CCSER1: variants seen among roughly 807,000 people sequenced by gnomAD.
The protein encoded by CCSER1 is serine-rich coiled-coil domain-containing protein 1.
Under a neutral mutation model 82.0 loss-of-function variants are expected in CCSER1, and 41 were observed. The ratio of observed to expected loss-of-function variants is 0.50; its 90% confidence interval spans 0.39 to 0.65. CCSER1 has a LOEUF of 0.65. Among genes scored for constraint, CCSER1 ranks in the 30% least tolerant of loss-of-function variants. The pLI is 0.00. For synonymous variants in CCSER1, 414 were observed against 383.9 expected (o/e 1.08, Z -0.92); for missense variants, 1,119 against 1,064.2 (o/e 1.05, Z -0.72).
At chr4:90,510,836 C>G (rs7654181) in intron 5 of CCSER1, among the ~76,000 whole-genome samples, 41,026 of 152,030 alleles carry the variant, frequency 0.27, 8,310 homozygotes, top group African/African-American at 0.56. Flanking sequence ...TCGTGGTGCT[C>G]AGTAAGAGTT....
rs1686354710 is a variant in CCSER1, at chr4:90,962,783, T to C, written c.2172+39336T>C. Reference sequence around the variant, plus strand: ...AGCTAGTATCACAGGCACAACAGGATTGTTTTTTTCTACACTGTAGCCAGA... The same window carrying C: ...AGCTAGTATCACAGGCACAACAGGACTGTTTTTTTCTACACTGTAGCCAGA... On this transcript the variant is annotated intron_variant, in intron 9 of 10. Transcript: ENST00000509176. Among the ~76,000 whole-genome samples the C allele has an allele frequency of 1.3e-5, 2 of 152,138 alleles. 1 individual carries two copies. Among genetic ancestry groups the C allele is most frequent in the South Asian group, 4.1e-4 (2 of 4,826 alleles).
chr4:90,276,253 T>TCTTTCTTTCTTTCTTTCTTTCTTC (rs1727680914), intron 1 of CCSER1, among the ~76,000 whole-genome samples: 7 of 79,086 alleles, frequency 8.9e-5, no homozygotes, highest in African/African-American at 3.8e-4. Flanking sequence ...TTTCTTTCTT[T>TCTTTCTTTCTTTCTTTCTTTCTTC]CCTTCCTTCC....
At chr4:91,395,380 G>T (rs1382299011) in intron 10 of CCSER1, among the ~76,000 whole-genome samples, 1 of 152,058 alleles carries the variant, frequency 6.6e-6, no homozygotes, top group South Asian at 2.1e-4. Context: ...CAGGGGACTT[G>T]TTAGTTTCTG....
chr4:91,580,495 A>G (rs1479754618), intron 10 of CCSER1, among the ~76,000 whole-genome samples: 1 of 151,772 alleles, frequency 6.6e-6, no homozygotes, highest in Admixed American at 6.6e-5. Context: ...GAGAGATGAT[A>G]TGGTTAGAAA....
At chr4:90,571,805 T>A (rs1780148431) in intron 5 of CCSER1, among the ~76,000 whole-genome samples, 1 of 152,212 alleles carries the variant, frequency 6.6e-6, no homozygotes, top group African/African-American at 2.4e-5. Flanking sequence ...ATATTTTGAA[T>A]TTTGATGTTA....
intron 7 of CCSER1, among the ~76,000 whole-genome samples, chr4:90,733,911 G>C (rs1745200927): frequency 1.3e-5 from 2 of 151,994 alleles, no homozygotes; most frequent in African/African-American, 2.4e-5. Flanking sequence ...GTACCCTGCT[G>C]TCTTGTGTAC....
intron 7 of CCSER1, among the ~76,000 whole-genome samples, chr4:90,727,878 T>C (rs1038579566): frequency 6.6e-5 from 10 of 152,198 alleles, no homozygotes; most frequent in Non-Finnish European, 1.0e-4. Flanking sequence ...TGATTAGATA[T>C]GTTAGGAAAT....
In CCSER1 at chr4:91,209,677, C is replaced by G. The variant is rs565313797; in HGVS notation, c.2217+123683C>G. ...AGAATATTAGCCTGAAGTTTTCTTT[C>G]TTTGTTGTGTCTCTCCCATAACTTC... On this transcript the variant is annotated intron_variant, in intron 10 of 10. Transcript: ENST00000509176. Among the ~76,000 whole-genome samples the G allele has an allele frequency of 3.3e-5, 5 of 151,750 alleles. No homozygotes were observed. In the East Asian group the frequency reaches 5.8e-4, roughly 18 times the overall value.
intron 4 of CCSER1, among the ~76,000 whole-genome samples, chr4:90,425,924 A>T (rs549137522): frequency 0.023 from 3,232 of 139,100 alleles, 50 homozygotes; most frequent in African/African-American, 0.057. Flanking sequence ...TATTTTTTTT[A>T]AAAAAAAAAC....
At chr4:91,465,005 C>T (rs967433441) in intron 10 of CCSER1, among the ~76,000 whole-genome samples, 4 of 152,092 alleles carry the variant, frequency 2.6e-5, no homozygotes, top group East Asian at 1.9e-4. Context: ...CCAAGTGGAC[C>T]GAATAGACAT....
chr4:91,383,700 C>T (rs1263021409), intron 10 of CCSER1, among the ~76,000 whole-genome samples: 2 of 152,030 alleles, frequency 1.3e-5, no homozygotes, highest in East Asian at 1.9e-4. Flanking sequence ...AATAAATTTG[C>T]TAATCCCCAT....
At chr4:90,659,894 G>T (rs1730434981) in intron 6 of CCSER1, among the ~76,000 whole-genome samples, 1 of 151,786 alleles carries the variant, frequency 6.6e-6, no homozygotes, top group Admixed American at 6.6e-5. Flanking sequence ...TTTTTCATAT[G>T]CTAGATTGCC....
At chr4:91,294,368 T>C (rs546183379) in intron 10 of CCSER1, among the ~76,000 whole-genome samples, 47 of 152,050 alleles carry the variant, frequency 3.1e-4, no homozygotes, top group African/African-American at 1.1e-3. Flanking sequence ...ATACGTTATT[T>C]AATCTTCCTG....
chr4:90,482,862 G>T (rs189752061), intron 5 of CCSER1, among the ~76,000 whole-genome samples: 2,416 of 152,288 alleles, frequency 0.016, 38 homozygotes, highest in African/African-American at 0.047. Context: ...ATTTGGGGTG[G>T]AGAGTTCTGT....
chr4:91,360,773 T>C (rs1396251749), intron 10 of CCSER1, among the ~76,000 whole-genome samples: 1 of 151,906 alleles, frequency 6.6e-6, no homozygotes, highest in Non-Finnish European at 1.5e-5. Context: ...TTCCAACTTT[T>C]CTTCTTTATT....
intron 10 of CCSER1, among the ~76,000 whole-genome samples, chr4:91,421,446 C>T (rs908979435): frequency 3.3e-5 from 5 of 152,032 alleles, no homozygotes; most frequent in African/African-American, 1.2e-4. Flanking sequence ...CTCTGATATC[C>T]CAGGCAGAAG....
At chr4:91,323,854 A>C (rs893052869) in intron 10 of CCSER1, among the ~76,000 whole-genome samples, 1 of 152,180 alleles carries the variant, frequency 6.6e-6, no homozygotes, top group African/African-American at 2.4e-5. Flanking sequence ...TTGCCACACT[A>C]AAATCCTGCA....
At chr4:90,895,452 G>A (rs957930901) in intron 8 of CCSER1, among the ~76,000 whole-genome samples, 1 of 151,812 alleles carries the variant, frequency 6.6e-6, no homozygotes, top group Admixed American at 6.6e-5. Context: ...CTCAAACTGG[G>A]TTGTTCTCTG....
intron 10 of CCSER1, among the ~76,000 whole-genome samples, chr4:91,356,717 A>G (rs1301999292): frequency 6.6e-6 from 1 of 152,172 alleles, no homozygotes; most frequent in Non-Finnish European, 1.5e-5. Context: ...AATTCCTAAG[A>G]TCACTGCATC....
Sources: allele counts gnomAD v4.1 joint callset (sites outside exome capture counted in the v4.1 genomes callset), GRCh38; gene constraint gnomAD v4.1.1; transcripts MANE v1.5; gene names NCBI Gene and HGNC (gene_info 2026-07-23, HGNC 2026-07-21).